Variants in C2CD3 observed in about 807,000 individuals in gnomAD.
C2CD3 encodes the protein C2 domain containing 3 centriole elongation regulator, also known as C2 domain-containing protein 3.
A neutral mutation model predicts 234.0 loss-of-function variants in C2CD3; 148 were observed. The ratio of observed to expected loss-of-function variants is 0.63; its 90% confidence interval spans 0.55 to 0.72. The LOEUF (loss-of-function observed/expected upper bound fraction) is 0.72. Ranked by LOEUF, C2CD3 falls within the 30% of genes least tolerant of loss-of-function variation. The probability of loss-of-function intolerance (pLI) is 0.00; values close to 1 mark genes in which losing one functional copy is unlikely to be tolerated. For synonymous variants in C2CD3, 1,000 were observed against 1,035.4 expected, an observed-to-expected ratio of 0.97 and a Z score of 0.66; for missense variants, 2,577 against 2,811.5, an observed-to-expected ratio of 0.92 and a Z score of 1.89.
chr11:74,047,003 G>A (rs1953408663), intron 28 of C2CD3, among the ~76,000 whole-genome samples: 1 of 152,166 alleles, frequency 6.6e-6, no homozygotes, highest in African/African-American at 2.4e-5. Context: ...CAGCCCTTGA[G>A]GTACTATATT....
chr11:74,035,264 A>G (rs947661619), intron 30 of C2CD3, among the ~76,000 whole-genome samples: 1 of 152,236 alleles, frequency 6.6e-6, no homozygotes, highest in Non-Finnish European at 1.5e-5. Context: ...ACCTGTAAAT[A>G]GGAATAGGCA....
chr11:74,096,425 A>G (rs1022360954), intron 16 of C2CD3, among the ~76,000 whole-genome samples: 4 of 152,178 alleles, frequency 2.6e-5, no homozygotes, highest in Non-Finnish European at 4.4e-5. Flanking sequence ...ATACCTGCTC[A>G]AAAATTTTCC....
chr11:74,084,273 T>C (rs150646637), intron 22 of C2CD3, among the ~76,000 whole-genome samples: 6 of 151,898 alleles, frequency 4.0e-5, no homozygotes, highest in African/African-American at 1.2e-4. Context: ...GCGGGGAACA[T>C]TACACCCCAG....
At chr11:74,124,296 T>C (rs1440327166) in intron 7 of C2CD3, among the ~76,000 whole-genome samples, 1 of 152,236 alleles carries the variant, frequency 6.6e-6, no homozygotes, top group African/African-American at 2.4e-5. Context: ...GAAAATAGTA[T>C]ATAATCACTA....
Position 74,085,593 on chromosome 11 carries a change from T to C in C2CD3, c.3910+25A>G, listed in dbSNP as rs932468005. 1.9e-6 allele frequency: 3 copies of C among 1,610,548 alleles called. No individual in the cohort carries two copies. In the African/African-American group the frequency reaches 4.0e-5, roughly 22 times the overall value. ...ACAATGCAGCCTCTTTTAATTTTGA[T>C]TGTGACAAGTCATATGGTGCTCACC... On this transcript the variant is annotated intron_variant, in intron 21 of 32. Transcript: ENST00000334126.
In C2CD3 at chr11:74,033,408, A is replaced by C; in HGVS notation, c.6752T>G (p.Ile2251Ser). 2 of 1,536,120 alleles carry C rather than the reference A, an allele frequency of 1.3e-6. No individual in the cohort carries two copies. Among genetic ancestry groups the C allele is most frequent in the Non-Finnish European group, 1.7e-6 (2 of 1,146,904 alleles). Reference protein sequence around the residue: ...HKGPPIDSSDIRQRQVTTGSE... With the variant: ...HKGPPIDSSDSRQRQVTTGSE... ...TCCAGTTGTCACCTGCCTCTGCCTG[A>C]TGTCAGAGGAGTCGATGGGTGGTCC... Residue 2251 changes from isoleucine to serine, a missense_variant, in exon 31 of 33, where the codon ATC (isoleucine) becomes AGC (serine). Coordinates refer to ENST00000334126, the MANE Select transcript of C2CD3 (RefSeq NM_001286577.2).
At chr11:74,053,234 C>T (rs1017699668) in intron 26 of C2CD3, among the ~76,000 whole-genome samples, 1 of 152,156 alleles carries the variant, frequency 6.6e-6, no homozygotes. Context: ...TTATTTTTAC[C>T]GTCAAGAATT....
chr11:74,043,294 C>T (rs1953164183), intron 28 of C2CD3, among the ~76,000 whole-genome samples: 1 of 152,180 alleles, frequency 6.6e-6, no homozygotes, highest in Non-Finnish European at 1.5e-5. Flanking sequence ...TTTCAAGCTT[C>T]ATCTGTAGTA....
At chr11:74,164,062 C>T in intron 2 of C2CD3, 1 of 431,566 alleles carries the variant, frequency 2.3e-6, no homozygotes, top group South Asian at 1.0e-4. Context: ...CAGTTCTATC[C>T]AATTATAAGT....
chr11:74,078,300 G>T lies in C2CD3; in HGVS notation c.4418C>A (p.Ala1473Glu). ...IMVTFKASKR[A>E]EVTRGPSLLW... Reference sequence around the variant, plus strand: ...CAGTGATGGGCCCCTGGTGACTTCTGCTCTTTTGGATGCCTTGAAAGTGAC... The same window carrying T: ...CAGTGATGGGCCCCTGGTGACTTCTTCTCTTTTGGATGCCTTGAAAGTGAC... Residue 1473 changes from alanine (A) to glutamate (E), a missense_variant, in exon 23 of 33, where the codon GCA (alanine) becomes GAA (glutamate). Coordinates refer to ENST00000334126, the MANE Select transcript of C2CD3 (RefSeq NM_001286577.2). The T allele has an allele frequency of 1.9e-6, 3 of 1,614,128 alleles. No individual in the cohort carries two copies. The highest frequency in any genetic ancestry group is 2.5e-6 in the Non-Finnish European group (3 of 1,180,018).
chr11:74,138,593 C>T, intron 5 of C2CD3, 127 bp downstream of exon 5: 1 of 733,352 alleles, frequency 1.4e-6, no homozygotes, highest in South Asian at 1.7e-5. Flanking sequence ...TGGACTCTAG[C>T]AAGACTGCCT....
chr11:74,109,256 TCTC>T, intron 11 of C2CD3, 104 bp from the exon 12 acceptor site: 2 of 641,602 alleles, frequency 3.1e-6, no homozygotes, highest in South Asian at 4.4e-5. Context: ...TTAATTAAAA[TCTC>T]CTGCAGAAAT....
intron 9 of C2CD3, 147 bp from the exon 10 acceptor site, chr11:74,114,740 C>T: frequency 3.2e-6 from 2 of 619,186 alleles, no homozygotes; most frequent in Non-Finnish European, 5.7e-6. Flanking sequence ...GTTGCTCTGT[C>T]ACCCAGGCTG....
intron 8 of C2CD3, among the ~76,000 whole-genome samples, chr11:74,121,500 G>A (rs768409712): frequency 1.3e-5 from 2 of 151,488 alleles, no homozygotes; most frequent in African/African-American, 2.4e-5. Flanking sequence ...CCAGCTACTC[G>A]GGAGGCTGAG....
At chr11:74,107,285 A>G (rs966683337) in intron 12 of C2CD3, among the ~76,000 whole-genome samples, 2 of 151,802 alleles carry the variant, frequency 1.3e-5, no homozygotes, top group African/African-American at 4.9e-5. Flanking sequence ...AGACCATGCC[A>G]TTGCACTCCA....
In C2CD3 at chr11:74,049,497, A is replaced by G; in HGVS notation, c.5201T>C (p.Leu1734Pro). 2 of 1,612,876 alleles carry G rather than the reference A, an allele frequency of 1.2e-6. No homozygotes were observed. The highest frequency in any genetic ancestry group is 1.7e-6 in the Non-Finnish European group (2 of 1,179,992). The change falls in exon 27 of 33, where the codon CTT (leucine) becomes CCT (proline). Residue 1734 changes from leucine to proline, a missense_variant. Leu to Pro is a moderately conservative substitution (Grantham distance 98). Coordinates refer to ENST00000334126, the MANE Select transcript of C2CD3 (RefSeq NM_001286577.2). The part of the protein sequence containing the change: ...IGFASVDLSP[L>P]LSGFQFVCGW... Reference sequence around the variant, plus strand: ...ACAGACAAACTGGAAGCCAGAGAGAAGTGGGGAGAGGTCCACCGAGGCAAA... The same window carrying G: ...ACAGACAAACTGGAAGCCAGAGAGAGGTGGGGAGAGGTCCACCGAGGCAAA...
At chr11:74,090,015 A>T (rs1955814259) in intron 20 of C2CD3, among the ~76,000 whole-genome samples, 1 of 152,154 alleles carries the variant, frequency 6.6e-6, no homozygotes, top group South Asian at 2.1e-4. Context: ...TTTCTAGAGA[A>T]ATAGTGTTCC....
chr11:74,118,194 GTTTACC>G, intron 9 of C2CD3, 28 bp downstream of exon 9: 1 of 1,580,758 alleles, frequency 6.3e-7, no homozygotes, highest in Non-Finnish European at 8.6e-7. Flanking sequence ...ATTCCTTTGT[GTTTACC>G]TTTAAATAAA....
intron 24 of C2CD3, among the ~76,000 whole-genome samples, chr11:74,068,189 T>C: frequency 6.6e-6 from 1 of 152,236 alleles, no homozygotes; most frequent in East Asian, 1.9e-4. Context: ...TTAAAATGGC[T>C]GGAGTGGGTT....
Sources: allele counts gnomAD v4.1 joint callset (sites outside exome capture counted in the v4.1 genomes callset), GRCh38; gene constraint gnomAD v4.1.1; transcripts MANE v1.5; gene names NCBI Gene and HGNC (gene_info 2026-07-23, HGNC 2026-07-21).